The following ZNF532 variants were observed in gnomAD, a reference collection of about 807,000 sequenced individuals.
ZNF532 encodes the protein zinc finger protein 532.
In ZNF532, 22 loss-of-function variants were observed where a neutral mutation model predicts 89.3. The ratio of observed to expected loss-of-function variants is 0.25; its 90% CI spans 0.18 to 0.35. The LOEUF (loss-of-function observed/expected upper bound fraction) is 0.35. Among genes scored for constraint, ZNF532 ranks in the 10% least tolerant of loss-of-function variants. The pLI is 1.00. For missense variants in ZNF532, 1,132 were observed against 1,643.4 expected (o/e 0.69, Z 5.38); for synonymous variants, 606 against 649.6 (o/e 0.93, Z 1.02).
At chr18:58,868,609 C>T (rs1005396978) in intron 2 of ZNF532, among the ~76,000 whole-genome samples, 2 of 152,240 alleles carry the variant, frequency 1.3e-5, no homozygotes, top group South Asian at 2.1e-4. Flanking sequence ...CTCTGTGTTT[C>T]GATACTTGGT....
intron 2 of ZNF532, among the ~76,000 whole-genome samples, chr18:58,880,011 A>G (rs1414664747): frequency 6.6e-6 from 1 of 152,210 alleles, no homozygotes; most frequent in East Asian, 1.9e-4. Flanking sequence ...TGAATACAAA[A>G]AAGGGAAGGA....
chr18:58,888,697 T>TTA (rs71336305), intron 2 of ZNF532, among the ~76,000 whole-genome samples: 2,782 of 45,162 alleles, frequency 0.062, 174 homozygotes, highest in East Asian at 0.081. Context: ...AAAAAAAAAA[T>TTA]TATATATATA....
chr18:58,871,467 C>G (rs1352966632), intron 2 of ZNF532, among the ~76,000 whole-genome samples: 1 of 152,160 alleles, frequency 6.6e-6, no homozygotes, highest in Non-Finnish European at 1.5e-5. Context: ...AGTGGGGAAA[C>G]AGACAGAGAC....
rs2057407046 is a variant in ZNF532 at position 58,876,113 on chromosome 18, T to G, written c.-18+10534T>G. 2.0e-5 allele frequency among the ~76,000 whole-genome samples: 3 copies of G among 152,184 alleles called. No homozygotes were observed. In the South Asian group the frequency reaches 6.2e-4, roughly 32 times the overall value. On this transcript the variant is annotated intron_variant, in intron 2 of 9. Coordinates refer to ENST00000591808, the MANE Select transcript of ZNF532 (RefSeq NM_001375912.1). ...ATGCCCGGCTATTTTTTTTGTATTT[T>G]TTAGTAGAGACGGGGTTTCACCGTG... is the stretch of plus-strand genomic sequence containing the variant.
chr18:58,983,043 C>T (rs908640236), intron 9 of ZNF532, among the ~76,000 whole-genome samples: 2 of 152,174 alleles, frequency 1.3e-5, no homozygotes, highest in African/African-American at 4.8e-5. Flanking sequence ...ACCCGGGAGG[C>T]CGAGGCTGTA....
intron 2 of ZNF532, among the ~76,000 whole-genome samples, chr18:58,911,444 T>A (rs2060277283): frequency 6.6e-6 from 1 of 152,122 alleles, no homozygotes; most frequent in Non-Finnish European, 1.5e-5. Context: ...GGCCACAGCC[T>A]TAGGCCAGGC....
chr18:58,903,222 G>C (rs543004931), intron 2 of ZNF532, among the ~76,000 whole-genome samples: 16 of 152,302 alleles, frequency 1.1e-4, no homozygotes, highest in African/African-American at 3.8e-4. Flanking sequence ...GGCTAATGGA[G>C]ATAAGTGTGT....
At chr18:58,893,047 T>C (rs547332987) in intron 2 of ZNF532, among the ~76,000 whole-genome samples, 1 of 150,772 alleles carries the variant, frequency 6.6e-6, no homozygotes, top group Non-Finnish European at 1.5e-5. Flanking sequence ...AATGGCGCGA[T>C]TTCAGCTCAC....
intron 2 of ZNF532, among the ~76,000 whole-genome samples, chr18:58,899,184 G>A (rs1201030040): frequency 6.6e-6 from 1 of 152,228 alleles, no homozygotes; most frequent in Non-Finnish European, 1.5e-5. Flanking sequence ...TCACTCCAGC[G>A]TGGACTTCTT....
chr18:58,910,616 A>G (rs1182411690), intron 2 of ZNF532, among the ~76,000 whole-genome samples: 2 of 151,896 alleles, frequency 1.3e-5, no homozygotes, highest in East Asian at 3.9e-4. Flanking sequence ...ACAGGCATGC[A>G]CCACCAAGCC....
chr18:58,879,793 C>T (rs1365673063), intron 2 of ZNF532, among the ~76,000 whole-genome samples: 1 of 152,174 alleles, frequency 6.6e-6, no homozygotes, highest in South Asian at 2.1e-4. Flanking sequence ...GATTTTCCTT[C>T]GTTCATTCCG....
At chr18:58,945,305 C>T (rs920941532) in intron 5 of ZNF532, among the ~76,000 whole-genome samples, 1 of 152,200 alleles carries the variant, frequency 6.6e-6, no homozygotes, top group African/African-American at 2.4e-5. Flanking sequence ...GCCGTGATGC[C>T]ATGCTTTTCT....
At chr18:58,946,772 G>A (rs185720365) in intron 5 of ZNF532, among the ~76,000 whole-genome samples, 1 of 152,066 alleles carries the variant, frequency 6.6e-6, no homozygotes, top group East Asian at 1.9e-4. Context: ...TCCCCCAAGG[G>A]TACTTGTGCT....
intron 2 of ZNF532, among the ~76,000 whole-genome samples, chr18:58,880,759 CGCACGCGCGCGCGTCT>C (rs1348296969): frequency 8.3e-6 from 1 of 120,950 alleles, no homozygotes; most frequent in Non-Finnish European, 1.6e-5. Flanking sequence ...TAGGCGCGCG[CGCACGCGCGCGCGTCT>C]GTGTGTGTGT....
At chr18:58,875,912 A>G (rs1315376305) in intron 2 of ZNF532, among the ~76,000 whole-genome samples, 1 of 148,964 alleles carries the variant, frequency 6.7e-6, no homozygotes, top group East Asian at 2.0e-4. Flanking sequence ...TTTAGTTTGC[A>G]TACAAATCAC....
In ZNF532 at chr18:58,918,284, A is replaced by G. The variant is rs766783501; in HGVS notation, c.-4A>G. On this transcript the variant is annotated 5_prime_UTR_variant, in exon 3 of 10. Transcript: ENST00000591808. ...CTCATTTAACAGAACATCTGCTCAA[A>G]TTAATGACCATGGGGGATATGAAGA... 46 of 1,608,920 alleles carry G rather than the reference A, an allele frequency of 2.9e-5. No individual in the cohort carries two copies. Among genetic ancestry groups the G allele is most frequent in the Non-Finnish European group, 3.8e-5 (45 of 1,176,834 alleles).
In ZNF532 at chr18:58,948,046, C is replaced by T. The variant is rs777339384; in HGVS notation, c.2706-21C>T. The T allele has an allele frequency of 1.4e-5, 23 of 1,597,292 alleles. 1 individual carries two copies. The highest frequency in any genetic ancestry group is 1.1e-4 in the East Asian group (5 of 44,274). ...TTAAAGAGGCTGACTGACATGATCT[C>T]GCTGCACTCTTCTATTTTAGAATAA... On this transcript the variant is annotated intron_variant, in intron 5 of 9. Transcript: ENST00000591808.
intron 3 of ZNF532, among the ~76,000 whole-genome samples, chr18:58,933,527 T>A (rs1273092933): frequency 6.6e-6 from 1 of 152,248 alleles, no homozygotes; most frequent in Non-Finnish European, 1.5e-5. Flanking sequence ...TGGTAGATAA[T>A]TTGTGTTTGC....
chr18:58,914,565 G>A (rs1057039081), intron 2 of ZNF532, among the ~76,000 whole-genome samples: 17 of 152,074 alleles, frequency 1.1e-4, no homozygotes, highest in Admixed American at 9.8e-4. Flanking sequence ...CTGTAATCCC[G>A]GCTACTCGGG....
Sources: gnomAD v4.1 joint callset for allele counts (sites outside exome capture counted in the v4.1 genomes callset) on GRCh38, gnomAD v4.1.1 for gene constraint, MANE v1.5 for transcripts, NCBI Gene and HGNC (gene_info 2026-07-23, HGNC 2026-07-21) for gene names.